The following IQGAP3 variants were observed in gnomAD, a reference collection of about 807,000 sequenced individuals.
IQGAP3 encodes the protein ras GTPase-activating-like protein IQGAP3.
A neutral mutation model predicts 208.2 loss-of-function variants in IQGAP3; 165 were observed. The observed-to-expected ratio is 0.79, with a 90% CI of 0.70 to 0.90. The LOEUF (loss-of-function observed/expected upper bound fraction) is 0.90, where lower values mean the gene tolerates loss of function less well. Among genes scored for constraint, IQGAP3 ranks in the 40% least tolerant of loss-of-function variants. The pLI is 0.00. For synonymous variants in IQGAP3, 703 were observed against 803.6 expected, an observed-to-expected ratio of 0.87 and a Z score of 2.12; for missense variants, 1,811 against 2,043.1, an observed-to-expected ratio of 0.89 and a Z score of 2.19.
chr1:156,528,380 C>T, intron 36 of IQGAP3, 129 bp downstream of exon 36: 6 of 689,546 alleles, frequency 8.7e-6, no homozygotes, highest in Non-Finnish European at 1.5e-5. Context: ...CTGTCTCCAC[C>T]ATCATTCTAG....
intron 4 of IQGAP3, among the ~76,000 whole-genome samples, chr1:156,564,966 C>T (rs1160325370): frequency 4.6e-5 from 7 of 152,154 alleles, no homozygotes; most frequent in African/African-American, 1.7e-4. Flanking sequence ...ATCAAGGCTA[C>T]AGGATATAAG....
chr1:156,536,990 C>T, intron 27 of IQGAP3, 191 bp downstream of exon 27: 1 of 526,152 alleles, frequency 1.9e-6, no homozygotes. Context: ...TGCACGCCGT[C>T]TCTCAGCTCA....
rs775597435 is a variant in IQGAP3 at position 156,530,281 on chromosome 1, C to A, written c.4228G>T (p.Ala1410Ser). The A allele has an allele frequency of 1.1e-5, 18 of 1,611,172 alleles. No individual in the cohort carries two copies. The highest frequency in any genetic ancestry group is 1.5e-5 in the Non-Finnish European group (18 of 1,179,974). Residue 1410 changes from alanine to serine, a missense_variant, in exon 34 of 38, where the codon GCC becomes TCC. Physicochemically the swap from Ala to Ser is moderately conservative, Grantham distance 99. Coordinates refer to ENST00000361170, the MANE Select transcript of IQGAP3 (RefSeq NM_178229.5). ...GGCTCCGGTGTCTGGGCTGTACAGG[C>A]CTGGCGTCGGCTCATCAGCTGCTTG... Reference protein sequence around the residue: ...AHKQLMSRRQACTAQTPEPLR... With the variant: ...AHKQLMSRRQSCTAQTPEPLR...
intron 1 of IQGAP3, among the ~76,000 whole-genome samples, chr1:156,571,919 T>C (rs1676662630): frequency 6.6e-6 from 1 of 152,200 alleles, no homozygotes. Context: ...GGGACTACCT[T>C]CCTCACAATC....
At chr1:156,534,172 G>C in intron 29 of IQGAP3, 31 bp from the exon 30 acceptor site, 1 of 1,610,348 alleles carries the variant, frequency 6.2e-7, no homozygotes, top group Non-Finnish European at 8.5e-7. Context: ...TGAGAGAGCG[G>C]GGAGGGCCAG....
chr1:156,530,058 A>G (rs1406657115), intron 34 of IQGAP3, 47 bp downstream of exon 34: 11 of 1,438,642 alleles, frequency 7.6e-6, no homozygotes, highest in East Asian at 2.5e-5. Flanking sequence ...GCACGCACAC[A>G]CACACACGTA....
intron 36 of IQGAP3, 61 bp from the exon 37 acceptor site, chr1:156,528,121 T>C: frequency 1.6e-6 from 2 of 1,282,322 alleles, no homozygotes; most frequent in Non-Finnish European, 2.3e-6. Flanking sequence ...ACAGCCACAT[T>C]CTTGCACCCA....
At chr1:156,538,514 C>T (rs890351890) in intron 26 of IQGAP3, among the ~76,000 whole-genome samples, 10 of 152,236 alleles carry the variant, frequency 6.6e-5, no homozygotes, top group Non-Finnish European at 1.2e-4. Context: ...TTTGACACAT[C>T]ATTTGCAAGC....
In IQGAP3 at chr1:156,561,003, G is replaced by A. The variant is rs1247860002; in HGVS notation, c.1060C>T (p.Leu354Phe). ...GCCTGGACTTCCTCCTTTTCCAGAAGCTCCACCAGGCCCAGCTCCTAAGAG... is the reference window on the plus strand; with the variant it reads ...GCCTGGACTTCCTCCTTTTCCAGAAACTCCACCAGGCCCAGCTCCTAAGAG... ...QKAQELGLVE[L>F]LEKEEVQAGV... The change falls in exon 11 of 38, where the codon CTT becomes TTT. Residue 354 changes from leucine (L) to phenylalanine (F), a missense_variant. Transcript: ENST00000361170. 4.3e-6 allele frequency: 7 copies of A among 1,613,508 alleles called. No individual in the cohort carries two copies. Among genetic ancestry groups the A allele is most frequent in the Non-Finnish European group, 5.9e-6 (7 of 1,179,634 alleles).
intron 9 of IQGAP3, 40 bp from the exon 10 acceptor site, chr1:156,562,041 C>T: frequency 6.5e-7 from 1 of 1,536,246 alleles, no homozygotes; most frequent in Non-Finnish European, 8.8e-7. Flanking sequence ...TGTGAGAAAG[C>T]CACCTCTCAT....
At chr1:156,530,369 C>T (rs968270068) in intron 33 of IQGAP3, 52 bp from the exon 34 acceptor site, 2 of 1,510,366 alleles carry the variant, frequency 1.3e-6, no homozygotes, top group Non-Finnish European at 9.0e-7. Flanking sequence ...CATTCTGCTC[C>T]CACACCAGTG....
At position 156,530,321 on chromosome 1, in the gene IQGAP3, G is replaced by A; in HGVS notation, c.4192-4C>T. The stretch of plus-strand genomic sequence containing the variant: ...TCAGCTGCTTGTGGGCTGCTTCCTG[G>A]GGACACACAGACGCTGGAGGGGTCT... On this transcript the variant is annotated splice_polypyrimidine_tract_variant and splice_region_variant and intron_variant, in intron 33 of 37. Coordinates refer to ENST00000361170, the MANE Select transcript of IQGAP3 (RefSeq NM_178229.5). The A allele has an allele frequency of 3.7e-6, 6 of 1,605,098 alleles. No homozygotes were observed. Among genetic ancestry groups the A allele is most frequent in the Non-Finnish European group, 5.1e-6 (6 of 1,179,490 alleles).
rs2066378 is a variant in IQGAP3 at position 156,566,331 on chromosome 1, T to C, written c.282+59A>G. 1,541,443 of 1,552,624 alleles carry C rather than the reference T, an allele frequency of 0.99. 765,852 individuals are homozygous for C. Among genetic ancestry groups the C allele is most frequent in the East Asian group, 1 (44,528 of 44,528 alleles). Reference sequence around the variant, plus strand: ...ATATGGTCACTCTACCCTCACAGCTTTGAGGAGAAAGCATAGTTTGAGGGG... The same window carrying C: ...ATATGGTCACTCTACCCTCACAGCTCTGAGGAGAAAGCATAGTTTGAGGGG... On this transcript the variant is annotated intron_variant, in intron 3 of 37. Coordinates refer to ENST00000361170, the MANE Select transcript of IQGAP3 (RefSeq NM_178229.5).
In IQGAP3 at chr1:156,539,415, G is replaced by C. The variant is rs766350138; in HGVS notation, c.3015C>G (p.Leu1005=). The change falls in exon 25 of 38, where the codon CTC becomes CTG. Residue 1005 remains leucine (L), a synonymous_variant. Coordinates refer to ENST00000361170, the MANE Select transcript of IQGAP3 (RefSeq NM_178229.5). Reference sequence around the variant, plus strand: ...GTGCTGTCTTGAACAGCTGGAGCAGGAGATAGGCCTCTCGGCGGCTGGAGG... The same window carrying C: ...GTGCTGTCTTGAACAGCTGGAGCAGCAGATAGGCCTCTCGGCGGCTGGAGG... ...NYASSRREAY[L]LLQLFKTALQ... is the part of the protein sequence containing the mutation. 1.2e-6 allele frequency: 2 copies of C among 1,614,014 alleles called. No individual in the cohort carries two copies. The highest frequency in any genetic ancestry group is 2.2e-5 in the East Asian group (1 of 44,892).
chr1:156,557,238 T>C (rs1571350787), intron 11 of IQGAP3, among the ~76,000 whole-genome samples: 1 of 6,228 alleles, frequency 1.6e-4, no homozygotes, highest in African/African-American at 1.7e-4. Flanking sequence ...CCGCCCCTAC[T>C]GGGAAGTGAG....
intron 4 of IQGAP3, 25 bp from the exon 5 acceptor site, chr1:156,564,716 T>A: frequency 6.3e-7 from 1 of 1,575,468 alleles, no homozygotes; most frequent in Non-Finnish European, 8.7e-7. Flanking sequence ...AGCCAGTTAC[T>A]GCCATTGGGA....
At chr1:156,561,328 A>G (rs1676141762) in intron 10 of IQGAP3, among the ~76,000 whole-genome samples, 1 of 152,082 alleles carries the variant, frequency 6.6e-6, no homozygotes, top group Admixed American at 6.6e-5. Flanking sequence ...CCACCACACC[A>G]GCTAATTTTT....
Position 156,540,701 on chromosome 1 carries a change from C to G in IQGAP3, c.2739+7G>C. ...CTCGGGGAGGGGAGGACTGGTGGGC[C>G]CCATACCTGCAGAGTGATCCGGTTC... On this transcript the variant is annotated splice_region_variant and intron_variant, in intron 23 of 37. Coordinates refer to ENST00000361170, the MANE Select transcript of IQGAP3 (RefSeq NM_178229.5). 1 of 1,612,546 alleles carries G rather than the reference C, an allele frequency of 6.2e-7. No individual in the cohort carries two copies.
intron 9 of IQGAP3, among the ~76,000 whole-genome samples, chr1:156,562,202 C>T (rs1259919006): frequency 1.3e-5 from 2 of 152,034 alleles, no homozygotes; most frequent in African/African-American, 4.8e-5. Flanking sequence ...CCCCAGACCC[C>T]AAGGATATCC....
Sources: gnomAD v4.1 joint callset for allele counts (sites outside exome capture counted in the v4.1 genomes callset) on GRCh38, gnomAD v4.1.1 for gene constraint, MANE v1.5 for transcripts, NCBI Gene and HGNC (gene_info 2026-07-23, HGNC 2026-07-21) for gene names.